Variants in ADAMTSL1 observed in about 807,000 individuals in gnomAD.
The protein encoded by ADAMTSL1 is ADAMTS like 1.
In ADAMTSL1, 126 loss-of-function variants were observed where a neutral mutation model predicts 201.8. The ratio of observed to expected loss-of-function variants is 0.62; its 90% CI spans 0.54 to 0.72. The LOEUF (loss-of-function observed/expected upper bound fraction) is 0.72. Ranked by LOEUF, ADAMTSL1 falls within the 30% of genes least tolerant of loss-of-function variation. The probability of loss-of-function intolerance (pLI) is 0.00; values close to 1 mark genes in which losing one functional copy is unlikely to be tolerated. For missense variants in ADAMTSL1, 2,679 were observed against 2,277.8 expected (o/e 1.18, Z -3.59); for synonymous variants, 1,121 against 903.4 (o/e 1.24, Z -4.32).
intron 2 of ADAMTSL1, among the ~76,000 whole-genome samples, chr9:18,187,807 T>A (rs7032289): frequency 6.6e-6 from 1 of 152,038 alleles, no homozygotes; most frequent in South Asian, 2.1e-4. Context: ...TCACTTGGAC[T>A]TCATTTGCTA....
intron 2 of ADAMTSL1, among the ~76,000 whole-genome samples, chr9:18,367,785 T>C (rs994563550): frequency 6.6e-6 from 1 of 152,152 alleles, no homozygotes; most frequent in African/African-American, 2.4e-5. Flanking sequence ...ACATTCAGTG[T>C]CAGAGCCAGG....
intron 2 of ADAMTSL1, among the ~76,000 whole-genome samples, chr9:18,331,844 T>A (rs1290101884): frequency 6.6e-6 from 1 of 152,200 alleles, no homozygotes; most frequent in Non-Finnish European, 1.5e-5. Context: ...AAAATAGAAT[T>A]ACCAAAAGGG....
At chr9:17,929,024 G>T (rs1826668868) in intron 1 of ADAMTSL1, among the ~76,000 whole-genome samples, 1 of 152,046 alleles carries the variant, frequency 6.6e-6, no homozygotes, top group African/African-American at 2.4e-5. Flanking sequence ...TGTATGCTGT[G>T]TTTGAGTTGG....
chr9:18,209,772 T>C (rs1483649681), intron 2 of ADAMTSL1, among the ~76,000 whole-genome samples: 2 of 152,158 alleles, frequency 1.3e-5, no homozygotes, highest in Non-Finnish European at 2.9e-5. Context: ...TTGTTCTGTT[T>C]GAGTGACATC....
At chr9:18,322,417 G>C (rs1292107562) in intron 2 of ADAMTSL1, among the ~76,000 whole-genome samples, 1 of 152,186 alleles carries the variant, frequency 6.6e-6, no homozygotes, top group Non-Finnish European at 1.5e-5. Context: ...TGGCTCATCT[G>C]AGGTCAGGAG....
intron 20 of ADAMTSL1, among the ~76,000 whole-genome samples, chr9:18,806,868 T>G (rs376995988): frequency 7.8e-4 from 119 of 152,302 alleles, no homozygotes; most frequent in Admixed American, 2.2e-3. Flanking sequence ...GCTCCTTCCT[T>G]AATGGCCTTC....
In ADAMTSL1 at chr9:18,155,110, T is replaced by C. The variant is rs927298321; in HGVS notation, c.88-8752T>C. Among the ~76,000 whole-genome samples the C allele has an allele frequency of 2.6e-5, 4 of 151,992 alleles. No individual in the cohort carries two copies. In the East Asian group the frequency reaches 5.8e-4, roughly 22 times the overall value. ...GTTTTTGAAGGGGAAATAAATCTGT[T>C]TGGGTCCAAATTATTTTCTTCTATT... On this transcript the variant is annotated intron_variant, in intron 1 of 29. Coordinates refer to the ADAMTSL1 transcript ENST00000680146.
At chr9:18,228,053 G>A (rs758593706) in intron 2 of ADAMTSL1, among the ~76,000 whole-genome samples, 1 of 152,140 alleles carries the variant, frequency 6.6e-6, no homozygotes, top group Non-Finnish European at 1.5e-5. Flanking sequence ...CAACATAACT[G>A]AAATATAAGC....
intron 2 of ADAMTSL1, among the ~76,000 whole-genome samples, chr9:18,327,362 G>A (rs1834868086): frequency 6.6e-6 from 1 of 152,224 alleles, no homozygotes; most frequent in Non-Finnish European, 1.5e-5. Context: ...AATGATCCCA[G>A]AGTAGAGTCA....
chr9:18,779,597 C>A (rs1563794915), intron 19 of ADAMTSL1, among the ~76,000 whole-genome samples: 4 of 152,230 alleles, frequency 2.6e-5, no homozygotes, highest in Admixed American at 2.6e-4. Flanking sequence ...TTTTAACCTG[C>A]CCCTCTGTCC....
chr9:18,403,988 T>G (rs1260606947), intron 2 of ADAMTSL1, among the ~76,000 whole-genome samples: 1 of 152,162 alleles, frequency 6.6e-6, no homozygotes, highest in Non-Finnish European at 1.5e-5. Context: ...GAGTGCCCCG[T>G]GGAAGGATCA....
intron 1 of ADAMTSL1, among the ~76,000 whole-genome samples, chr9:18,035,961 C>A (rs909110127): frequency 6.6e-6 from 1 of 152,070 alleles, no homozygotes. Context: ...TGGTCCTTAC[C>A]CCCTATCTTG....
intron 2 of ADAMTSL1, among the ~76,000 whole-genome samples, chr9:18,194,548 C>T (rs1829096966): frequency 1.3e-5 from 2 of 152,064 alleles, no homozygotes; most frequent in Admixed American, 1.3e-4. Flanking sequence ...GCATTCTCTT[C>T]AGGGAGAATG....
At position 18,842,597 on chromosome 9, in the gene ADAMTSL1, A is replaced by G. The variant is rs184856520; in HGVS notation, c.4249+12620A>G. Among the ~76,000 whole-genome samples, 1,049 of 152,192 alleles carry G rather than the reference A, an allele frequency of 6.9e-3. 8 individuals are homozygous for G. The highest frequency in any genetic ancestry group is 0.019 in the African/African-American group (775 of 41,508). ...AGTTCAATTCCTGGGTATCCTTATT[A>G]ACTTTCTGTCTTGTTGATCTGTCTA... On this transcript the variant is annotated intron_variant, in intron 23 of 28. Transcript: ENST00000380548.
intron 1 of ADAMTSL1, among the ~76,000 whole-genome samples, chr9:18,105,567 T>G (rs953407888): frequency 6.6e-6 from 1 of 152,098 alleles, no homozygotes; most frequent in East Asian, 1.9e-4. Context: ...ATAGGGTACT[T>G]GAAAGAATAT....
intron 2 of ADAMTSL1, among the ~76,000 whole-genome samples, chr9:18,401,807 G>A (rs529521728): frequency 8.5e-5 from 13 of 152,218 alleles, no homozygotes; most frequent in African/African-American, 3.1e-4. Context: ...AGCTGTTCGC[G>A]TGATCTCAGC....
At chr9:18,490,673 G>T (rs1822226813) in intron 1 of ADAMTSL1, among the ~76,000 whole-genome samples, 1 of 152,128 alleles carries the variant, frequency 6.6e-6, no homozygotes, top group African/African-American at 2.4e-5. Flanking sequence ...GACAGCATTT[G>T]CTAGTCCAGA....
chr9:18,393,046 T>C (rs1248210076), intron 2 of ADAMTSL1, among the ~76,000 whole-genome samples: 1 of 152,210 alleles, frequency 6.6e-6, no homozygotes, highest in African/African-American at 2.4e-5. Flanking sequence ...AATTTTCTCT[T>C]AGAGTGCTTA....
chr9:18,286,798 A>C (rs907245940), intron 2 of ADAMTSL1, among the ~76,000 whole-genome samples: 2 of 152,180 alleles, frequency 1.3e-5, no homozygotes, highest in African/African-American at 4.8e-5. Context: ...ACTATAAAAA[A>C]CATATAATTA....
Sources: allele counts gnomAD v4.1 joint callset (sites outside exome capture counted in the v4.1 genomes callset), GRCh38; gene constraint gnomAD v4.1.1; transcripts MANE v1.5; gene names NCBI Gene and HGNC (gene_info 2026-07-23, HGNC 2026-07-21).